ANO10: variants seen among roughly 807,000 people sequenced by gnomAD.
The protein encoded by ANO10 is anoctamin 10, also known as anoctamin-10.
Under a neutral mutation model 74.7 loss-of-function variants are expected in ANO10, and 77 were observed. The ratio of observed to expected loss-of-function variants is 1.03; its 90% CI spans 0.86 to 1.25. The LOEUF is 1.25. Ranked by LOEUF, ANO10 falls within the 50% of genes most tolerant of loss-of-function variation. The pLI, the probability that ANO10 is intolerant of heterozygous loss-of-function variation, is 0.00. For synonymous variants in ANO10, 279 were observed against 284.9 expected (o/e 0.98, Z 0.21); for missense variants, 721 against 778.1 (o/e 0.93, Z 0.87).
chr3:43,400,033 A>G (rs1380421317), intron 12 of ANO10, among the ~76,000 whole-genome samples: 1 of 152,044 alleles, frequency 6.6e-6, no homozygotes, highest in East Asian at 1.9e-4. Context: ...GTATCTAAAG[A>G]GGGTTGCAGC....
intron 11 of ANO10, among the ~76,000 whole-genome samples, chr3:43,493,432 T>C (rs1441779751): frequency 1.3e-5 from 2 of 152,090 alleles, no homozygotes; most frequent in African/African-American, 4.8e-5. Context: ...AAAAAATTGA[T>C]GCTTCAAACA....
intron 11 of ANO10, among the ~76,000 whole-genome samples, chr3:43,456,378 CCTGTG>C (rs1317385656): frequency 6.6e-6 from 1 of 152,194 alleles, no homozygotes; most frequent in Non-Finnish European, 1.5e-5. Flanking sequence ...ATTTTCTTCA[CCTGTG>C]CTCTGAGGTA....
chr3:43,469,472 T>G (rs1398796546), intron 11 of ANO10, among the ~76,000 whole-genome samples: 1 of 152,236 alleles, frequency 6.6e-6, no homozygotes, highest in East Asian at 1.9e-4. Context: ...TCTTTCACTA[T>G]TCTCTTTTAT....
At chr3:43,386,201 T>C (rs1177923620) in intron 12 of ANO10, among the ~76,000 whole-genome samples, 1 of 152,176 alleles carries the variant, frequency 6.6e-6, no homozygotes, top group African/African-American at 2.4e-5. Context: ...GTTTAAATCA[T>C]TTTTGTTTGA....
intron 12 of ANO10, chr3:43,424,771 C>T (rs911770728): frequency 6.6e-6 from 1 of 152,200 alleles, no homozygotes; most frequent in African/African-American, 2.4e-5. Context: ...TCAACCTGCT[C>T]TGCATGAATT....
chr3:43,643,363 C>G (rs2083690639), intron 1 of ANO10, among the ~76,000 whole-genome samples: 1 of 151,654 alleles, frequency 6.6e-6, no homozygotes, highest in African/African-American at 2.4e-5. Context: ...TTCCTAGAAA[C>G]GAGATTGCTG....
chr3:43,440,528 T>C (rs2093144170), intron 11 of ANO10, among the ~76,000 whole-genome samples: 1 of 152,146 alleles, frequency 6.6e-6, no homozygotes, highest in African/African-American at 2.4e-5. Flanking sequence ...TGTATATGCA[T>C]CTAACATCAG....
chr3:43,369,682 G>A (rs141811308), intron 12 of ANO10, among the ~76,000 whole-genome samples: 196 of 152,256 alleles, frequency 1.3e-3, no homozygotes, highest in African/African-American at 4.6e-3. Context: ...CCAGGGCCAT[G>A]GTATGGAGGG....
chr3:43,639,786 A>C (rs1379286124), intron 1 of ANO10, among the ~76,000 whole-genome samples: 1 of 152,074 alleles, frequency 6.6e-6, no homozygotes, highest in African/African-American at 2.4e-5. Flanking sequence ...GAAAAAAAAA[A>C]AAAAGAAAGA....
intron 11 of ANO10, among the ~76,000 whole-genome samples, chr3:43,441,951 C>T (rs1394829714): frequency 1.3e-5 from 2 of 152,016 alleles, no homozygotes. Flanking sequence ...AATTCAATAC[C>T]CTTTCATGAT....
chr3:43,445,768 C>T (rs939254298), intron 11 of ANO10, among the ~76,000 whole-genome samples: 5 of 152,086 alleles, frequency 3.3e-5, no homozygotes, highest in Non-Finnish European at 5.9e-5. Flanking sequence ...GGCACTATCT[C>T]AGCTCACTAC....
intron 12 of ANO10, among the ~76,000 whole-genome samples, chr3:43,389,908 GAACAA>G (rs745544630): frequency 2.3e-4 from 35 of 152,188 alleles, no homozygotes; most frequent in African/African-American, 7.0e-4. Flanking sequence ...GACGGAAATG[GAACAA>G]AACAAAACAA....
intron 11 of ANO10, among the ~76,000 whole-genome samples, chr3:43,483,263 G>A (rs897769599): frequency 2.6e-5 from 4 of 152,134 alleles, no homozygotes; most frequent in African/African-American, 7.2e-5. Context: ...TCTGCTTCCA[G>A]CCCTTAAACC....
At chr3:43,618,375 G>A (rs150047403) in intron 1 of ANO10, among the ~76,000 whole-genome samples, 32 of 152,252 alleles carry the variant, frequency 2.1e-4, no homozygotes, top group African/African-American at 7.7e-4. Flanking sequence ...CACCAGTGAG[G>A]AAAACAAGAA....
intron 4 of ANO10, among the ~76,000 whole-genome samples, chr3:43,583,500 G>A (rs2081349413): frequency 6.6e-6 from 1 of 152,178 alleles, no homozygotes; most frequent in South Asian, 2.1e-4. Context: ...TTTACAGTAG[G>A]ACCCTCCAAA....
intron 11 of ANO10, among the ~76,000 whole-genome samples, chr3:43,513,129 T>C (rs2077573824): frequency 6.6e-6 from 1 of 152,170 alleles, no homozygotes; most frequent in South Asian, 2.1e-4. Context: ...GTGAGGAAAC[T>C]ATCTGAGGTC....
chr3:43,368,288 T>C (rs926575600), intron 12 of ANO10, among the ~76,000 whole-genome samples: 1 of 151,962 alleles, frequency 6.6e-6, no homozygotes, highest in African/African-American at 2.4e-5. Context: ...TTACCTGCGG[T>C]GGGGGTAAGA....
At chr3:43,615,297 G>A (rs895082813) in intron 1 of ANO10, among the ~76,000 whole-genome samples, 1 of 152,054 alleles carries the variant, frequency 6.6e-6, no homozygotes. Context: ...GGGGAGCTGG[G>A]ACTCACAACC....
chr3:43,495,606 T>C lies in ANO10; in HGVS notation c.1797+54114A>G, dbSNP rs187589052. 5.6e-3 allele frequency among the ~76,000 whole-genome samples: 855 copies of C among 151,918 alleles called. 9 individuals are homozygous for C. Among genetic ancestry groups the C allele is most frequent in the African/African-American group, 0.02 (821 of 41,192 alleles). On this transcript the variant is annotated intron_variant, in intron 11 of 12. Coordinates refer to ENST00000292246, the MANE Select transcript of ANO10 (RefSeq NM_018075.5). ...ACAGATGAGGCATGGCAAGTGGCCA[T>C]TGAACATAATAAGAAAGTATTCTTT... is the stretch of plus-strand genomic sequence containing the variant.
Sources: allele counts gnomAD v4.1 joint callset (sites outside exome capture counted in the v4.1 genomes callset), GRCh38; gene constraint gnomAD v4.1.1; transcripts MANE v1.5; gene names NCBI Gene and HGNC (gene_info 2026-07-23, HGNC 2026-07-21).